TANC1: variants seen among roughly 807,000 people sequenced by gnomAD.
The protein encoded by TANC1 is protein TANC1.
A neutral mutation model predicts 149.7 loss-of-function variants in TANC1; 77 were observed. The ratio of observed to expected loss-of-function variants is 0.51; its 90% confidence interval spans 0.43 to 0.62. The LOEUF (loss-of-function observed/expected upper bound fraction) is 0.62, where lower values mean the gene tolerates loss of function less well. Among genes scored for constraint, TANC1 ranks in the 20% least tolerant of loss-of-function variants. The probability of loss-of-function intolerance (pLI) is 0.00; values close to 1 mark genes in which losing one functional copy is unlikely to be tolerated. For synonymous variants in TANC1, 854 were observed against 925.0 expected (o/e 0.92, Z 1.39); for missense variants, 1,985 against 2,321.8 (o/e 0.85, Z 2.98).
intron 2 of TANC1, among the ~76,000 whole-genome samples, chr2:159,024,750 CAAA>C (rs199510154): frequency 8.4e-6 from 1 of 118,980 alleles, no homozygotes. Flanking sequence ...GACTTCATCT[CAAA>C]AAAAAAAAAA....
intron 3 of TANC1, among the ~76,000 whole-genome samples, chr2:159,071,955 A>G (rs74267599): frequency 0.097 from 14,744 of 152,268 alleles, 751 homozygotes; most frequent in Non-Finnish European, 0.11. Flanking sequence ...ATTTAAACAT[A>G]GAATGGGACT....
At chr2:159,115,901 T>A (rs2048194079) in intron 4 of TANC1, among the ~76,000 whole-genome samples, 1 of 152,148 alleles carries the variant, frequency 6.6e-6, no homozygotes, top group South Asian at 2.1e-4. Context: ...AGTAATGCTG[T>A]TTCTGCCCTA....
At position 159,163,426 on chromosome 2, in the gene TANC1, G is replaced by C; in HGVS notation, c.826G>C (p.Glu276Gln). The C allele has an allele frequency of 3.1e-6, 5 of 1,614,176 alleles. No homozygotes were observed. The highest frequency in any genetic ancestry group is 3.4e-6 in the Non-Finnish European group (4 of 1,180,048). The change falls in exon 8 of 27, where the codon GAG becomes CAG. Residue 276 changes from glutamate to glutamine, a missense_variant. Physicochemically the swap from Glu to Gln is conservative, Grantham distance 29. Transcript: ENST00000263635. The stretch of plus-strand genomic sequence containing the variant: ...TAACTGCTCCCCAGTGGCAGAAGAG[G>C]AGACCACCGGGTCAGCAGAGAGCAC... ...ADNCSPVAEEETTGSAESTLP... is the reference protein window; with the variant it reads ...ADNCSPVAEEQTTGSAESTLP...
At chr2:159,046,902 G>A (rs1430401473) in intron 2 of TANC1, among the ~76,000 whole-genome samples, 2 of 151,890 alleles carry the variant, frequency 1.3e-5, no homozygotes, top group African/African-American at 2.4e-5. Context: ...ATGGTGCCCC[G>A]CCCCTTTGCA....
chr2:159,031,419 C>T (rs2039772034), intron 2 of TANC1, among the ~76,000 whole-genome samples: 1 of 152,156 alleles, frequency 6.6e-6, no homozygotes, highest in Admixed American at 6.5e-5. Context: ...TTTCAGCCTG[C>T]TTGCAAGTGA....
intron 19 of TANC1, among the ~76,000 whole-genome samples, chr2:159,217,254 T>C (rs1249237351): frequency 6.6e-6 from 1 of 152,116 alleles, no homozygotes; most frequent in Admixed American, 6.6e-5. Context: ...GCATCCGAGC[T>C]CCAAGAAAGA....
chr2:159,086,988 G>C (rs1027298648), intron 3 of TANC1, among the ~76,000 whole-genome samples: 2 of 151,866 alleles, frequency 1.3e-5, no homozygotes, highest in African/African-American at 2.4e-5. Context: ...TTAGAGGGGT[G>C]GGTGGGGGTA....
At chr2:159,062,939 A>T (rs2149674746) in intron 2 of TANC1, among the ~76,000 whole-genome samples, 1 of 129,566 alleles carries the variant, frequency 7.7e-6, no homozygotes, top group East Asian at 2.5e-4. Flanking sequence ...TGCAGTCCGC[A>T]GTCCGGCCTG....
At chr2:159,222,029 C>T (rs939198875) in intron 22 of TANC1, among the ~76,000 whole-genome samples, 10 of 152,188 alleles carry the variant, frequency 6.6e-5, no homozygotes, top group African/African-American at 2.4e-4. Flanking sequence ...GGCCCTGTAC[C>T]TCTGTGCCTT....
Position 159,178,993 on chromosome 2 carries a change from C to T in TANC1, c.2340C>T (p.Gly780=), listed in dbSNP as rs148016866. 1 of 1,614,146 alleles carries T rather than the reference C, an allele frequency of 6.2e-7. No homozygotes were observed. Among genetic ancestry groups the T allele is most frequent in the Non-Finnish European group, 8.5e-7 (1 of 1,180,030 alleles). ...AGATCTTTCAGGCTATTAATGCTGG[C>T]CACATCCAGGGGGAGCAGGGATGGG... The part of the protein sequence containing the change: ...DEQIFQAINA[G]HIQGEQGWED... Residue 780 remains glycine (G), a synonymous_variant, in exon 14 of 27, where the codon GGC becomes GGT. Transcript: ENST00000263635.
At chr2:159,052,309 G>A (rs539637359) in intron 2 of TANC1, among the ~76,000 whole-genome samples, 1 of 152,278 alleles carries the variant, frequency 6.6e-6, no homozygotes, top group South Asian at 2.1e-4. Context: ...TAATTTGGTG[G>A]TGATGGACAT....
At chr2:159,125,006 G>A (rs1419779778) in intron 4 of TANC1, among the ~76,000 whole-genome samples, 2 of 152,092 alleles carry the variant, frequency 1.3e-5, no homozygotes, top group African/African-American at 4.8e-5. Context: ...GCCTCACAAA[G>A]TGCTGGGATT....
intron 21 of TANC1, 73 bp from the exon 22 acceptor site, chr2:159,219,619 G>A: frequency 6.4e-7 from 1 of 1,569,912 alleles, no homozygotes; most frequent in Non-Finnish European, 8.8e-7. Context: ...GTGTTCCGCA[G>A]GTGTGAAACA....
intron 18 of TANC1, among the ~76,000 whole-genome samples, chr2:159,197,697 C>G (rs2057965433): frequency 6.6e-6 from 1 of 152,004 alleles, no homozygotes; most frequent in South Asian, 2.1e-4. Flanking sequence ...GAAAAGTCAT[C>G]ATTGGGAGGA....
chr2:159,071,064 C>T (rs1394574992), intron 3 of TANC1, among the ~76,000 whole-genome samples: 1 of 152,186 alleles, frequency 6.6e-6, no homozygotes, highest in African/African-American at 2.4e-5. Flanking sequence ...AGGCCTCTTG[C>T]TCTCTAGAGA....
In TANC1 at chr2:159,232,039, T is replaced by TC. The variant is rs2060351472; in HGVS notation, c.*1028dup. 1 of 152,642 alleles carries TC rather than the reference T, an allele frequency of 6.6e-6. No homozygotes were observed. Among genetic ancestry groups the TC allele is most frequent in the Non-Finnish European group, 1.5e-5 (1 of 68,020 alleles). 9.5% of individuals were successfully genotyped at this position (152,642 alleles called of 1,614,324 possible). ...CTAAAAACAAAAAAGAAAACCCCAG[T>TC]CACGATTTGCATGTTCTCTGTAAGC... On this transcript the variant is annotated 3_prime_UTR_variant, in exon 27 of 27. Transcript: ENST00000263635.
At chr2:159,197,855 G>A (rs1441182947) in intron 18 of TANC1, among the ~76,000 whole-genome samples, 1 of 152,144 alleles carries the variant, frequency 6.6e-6, no homozygotes, top group Non-Finnish European at 1.5e-5. Context: ...GACTTGGAGG[G>A]TATGTTAGTT....
Position 159,170,589 on chromosome 2 carries a change from A to G in TANC1, c.1135A>G (p.Ile379Val), listed in dbSNP as rs1262988273. 1.4e-5 allele frequency: 23 copies of G among 1,614,082 alleles called. No homozygotes were observed. The highest frequency in any genetic ancestry group is 1.7e-5 in the Non-Finnish European group (20 of 1,180,024). The change falls in exon 10 of 27, where the codon ATA becomes GTA. Residue 379 changes from isoleucine (I) to valine (V), a missense_variant. Physicochemically the swap from Ile to Val is conservative, Grantham distance 29. Around this residue, in one of 3 missense-constraint regions of TANC1, gnomAD observed 557 missense variants for 612.9 expected, o/e 0.91. Coordinates refer to ENST00000263635, the MANE Select transcript of TANC1 (RefSeq NM_033394.3). ...ACCCTTGTTGTTTGAAGTACCAAGC[A>G]TAACAACAGACTCTGTGTTTGTGGG... ...LKPLLFEVPS[I>V]TTDSVFVGRD... is the part of the protein sequence containing the mutation.
intron 1 of TANC1, among the ~76,000 whole-genome samples, chr2:158,999,024 C>T (rs1180456362): frequency 6.6e-6 from 1 of 152,186 alleles, no homozygotes; most frequent in African/African-American, 2.4e-5. Context: ...GAAGACCTTA[C>T]AGCTGCTAAC....
Sources: allele counts gnomAD v4.1 joint callset (sites outside exome capture counted in the v4.1 genomes callset), GRCh38; gene constraint gnomAD v4.1.1; regional missense constraint gnomAD v4.1.1; transcripts MANE v1.5; gene names NCBI Gene and HGNC (gene_info 2026-07-23, HGNC 2026-07-21).